Variants in SCAND3 observed in about 807,000 individuals in gnomAD.
SCAND3 encodes the protein SCAN domain-containing protein 3.
the SCAND3 span, chr6:28,570,793 C>T: frequency 6.6e-6 from 1 of 152,154 alleles, no homozygotes; most frequent in Non-Finnish European, 1.5e-5. Flanking sequence ...TTTTATCGGA[C>T]TAATTTGCTT....
At chr6:28,594,624 C>T in the SCAND3 span, among the ~76,000 whole-genome samples, 3 of 152,274 alleles carry the variant, frequency 2.0e-5, no homozygotes, top group Non-Finnish European at 4.4e-5. Flanking sequence ...CATTGCACTC[C>T]AGCCTGGGTG....
the SCAND3 span, among the ~76,000 whole-genome samples, chr6:28,581,007 CT>C: frequency 2.0e-5 from 3 of 152,076 alleles, no homozygotes; most frequent in Non-Finnish European, 4.4e-5. Flanking sequence ...AGTCATTAGT[CT>C]TTCAGTATTC....
the SCAND3 span, among the ~76,000 whole-genome samples, chr6:28,598,326 T>C: frequency 6.6e-6 from 1 of 152,156 alleles, no homozygotes; most frequent in Non-Finnish European, 1.5e-5. Context: ...TGGTGGAAAA[T>C]ATTGGAGAGA....
the SCAND3 span, chr6:28,576,193 T>C: frequency 1.4e-6 from 2 of 1,389,566 alleles, no homozygotes; most frequent in Admixed American, 2.4e-5. Flanking sequence ...TTAAAAGACA[T>C]ATATTGCCAA....
At chr6:28,573,174 T>G in the SCAND3 span, 1 of 1,613,780 alleles carries the variant, frequency 6.2e-7, no homozygotes, top group Non-Finnish European at 8.5e-7. Context: ...TATCTCTGCA[T>G]TCATCAAGTT....
chr6:28,572,611 A>C, the SCAND3 span: 1 of 1,614,082 alleles, frequency 6.2e-7, no homozygotes, highest in Non-Finnish European at 8.5e-7. This position sits in a 1 kb window ranked among gnomAD's most constrained non-coding sequence, Gnocchi z 4.1. Flanking sequence ...CACATCTTTA[A>C]AAAGTTGGGA....
chr6:28,597,696 C>G, the SCAND3 span: 1 of 151,980 alleles, frequency 6.6e-6, no homozygotes, highest in East Asian at 1.9e-4. Context: ...ATGCATGGGA[C>G]ATAGGATTTG....
chr6:28,595,357 AAG>A, the SCAND3 span, among the ~76,000 whole-genome samples: 2,839 of 129,532 alleles, frequency 0.022, 69 homozygotes, highest in Non-Finnish European at 0.042. Flanking sequence ...AAAAAAAAAG[AAG>A]AAGAAGAAGA....
At chr6:28,588,159 G>A in the SCAND3 span, 10 of 152,158 alleles carry the variant, frequency 6.6e-5, no homozygotes, top group Admixed American at 3.3e-4. The surrounding 1 kb of genome is among the most constrained non-coding windows in gnomAD (Gnocchi z 4.1). Context: ...GTCCGTGAAT[G>A]GTCTTGAGTA....
the SCAND3 span, among the ~76,000 whole-genome samples, chr6:28,606,248 G>T: frequency 6.6e-6 from 1 of 152,102 alleles, no homozygotes; most frequent in African/African-American, 2.4e-5. Flanking sequence ...GGGTATTTTT[G>T]TATTATTTTT....
At chr6:28,610,282 G>A in the SCAND3 span, among the ~76,000 whole-genome samples, 1 of 152,156 alleles carries the variant, frequency 6.6e-6, no homozygotes. Flanking sequence ...TGCACTTTGG[G>A]AGGCAGAGGT....
At chr6:28,614,074 C>A in the SCAND3 span, among the ~76,000 whole-genome samples, 1 of 151,902 alleles carries the variant, frequency 6.6e-6, no homozygotes, top group Non-Finnish European at 1.5e-5. Context: ...AGCGATTCTC[C>A]TGCTTCAGCC....
the SCAND3 span, among the ~76,000 whole-genome samples, chr6:28,607,228 C>T: frequency 2.2e-4 from 33 of 152,272 alleles, no homozygotes; most frequent in Non-Finnish European, 1.0e-4. Flanking sequence ...GGCACCTCCA[C>T]CAGTTTTGGG....
At chr6:28,607,306 T>C in the SCAND3 span, among the ~76,000 whole-genome samples, 1 of 152,116 alleles carries the variant, frequency 6.6e-6, no homozygotes, top group Non-Finnish European at 1.5e-5. Flanking sequence ...TAAATAAACC[T>C]AGTCTCATTC....
At chr6:28,586,051 A>G in the SCAND3 span, among the ~76,000 whole-genome samples, 4 of 152,196 alleles carry the variant, frequency 2.6e-5, no homozygotes, top group African/African-American at 9.6e-5. The surrounding 1 kb of genome is among the most constrained non-coding windows in gnomAD (Gnocchi z 4.4). Context: ...TCACTACATA[A>G]AATATATTTT....
the SCAND3 span, chr6:28,574,530 T>C: frequency 3.4e-6 from 3 of 888,302 alleles, no homozygotes; most frequent in African/African-American, 1.7e-5. Flanking sequence ...GGGGGAAATA[T>C]ATCCAAGGTA....
chr6:28,589,860 T>TTTG, the SCAND3 span: 1 of 149,524 alleles, frequency 6.7e-6, no homozygotes, highest in Non-Finnish European at 1.5e-5. Flanking sequence ...TTGTTTGTTT[T>TTTG]TTTTTTTTTT....
At chr6:28,611,875 T>C in the SCAND3 span, among the ~76,000 whole-genome samples, 1 of 152,250 alleles carries the variant, frequency 6.6e-6, no homozygotes, top group African/African-American at 2.4e-5. Flanking sequence ...TAACACAGGC[T>C]ATAATTTAAA....
At chr6:28,598,450 A>G in the SCAND3 span, among the ~76,000 whole-genome samples, 1 of 152,018 alleles carries the variant, frequency 6.6e-6, no homozygotes, top group African/African-American at 2.4e-5. Context: ...TTCTCTCCCC[A>G]TCATGTTCCT....
Sources: gnomAD v4.1 joint callset for allele counts (sites outside exome capture counted in the v4.1 genomes callset) on GRCh38, gnomAD v4.1.1 for gene constraint, Gnocchi (gnomAD v3.1) non-coding constraint, MANE v1.5 for transcripts, NCBI Gene and HGNC (gene_info 2026-07-23, HGNC 2026-07-21) for gene names.